The following SLC26A8 variants were observed in gnomAD, a reference collection of about 807,000 sequenced individuals.
SLC26A8 encodes the protein solute carrier family 26 member 8.
A neutral mutation model predicts 105.0 loss-of-function variants in SLC26A8; 70 were observed. That is an observed-to-expected ratio of 0.67 (90% CI 0.55 to 0.81). The LOEUF is 0.81. Among genes scored for constraint, SLC26A8 ranks in the 40% least tolerant of loss-of-function variants. The pLI is 0.00. For missense variants in SLC26A8, 998 were observed against 1,181.8 expected, an observed-to-expected ratio of 0.84 and a Z score of 2.28; for synonymous variants, 415 against 438.3, an observed-to-expected ratio of 0.95 and a Z score of 0.66.
At position 35,968,649 on chromosome 6, in the gene SLC26A8, A is replaced by C. The variant is rs1772648516; in HGVS notation, c.1365+228T>G. On this transcript the variant is annotated intron_variant, in intron 11 of 19. Transcript: ENST00000490799. ...TATATATATATATATATATATATAT[A>C]TATATCTCACATCATTTAACCCTCA... 9.6e-5 allele frequency among the ~76,000 whole-genome samples: 10 copies of C among 104,250 alleles called. No homozygotes were observed. The South Asian group carries it at 2.5e-3, about 26-fold the overall frequency. The allele number at this position is 104,250 out of a possible 152,430, so 68.4% of individuals were successfully genotyped here.
intron 2 of SLC26A8, 131 bp downstream of exon 2, chr6:36,019,389 A>T: frequency 9.9e-7 from 1 of 1,011,054 alleles, no homozygotes; most frequent in Non-Finnish European, 1.4e-6. Flanking sequence ...GACTGAAGAA[A>T]AATTGCACAA....
Position 35,982,158 on chromosome 6 carries a change from C to T in SLC26A8, c.988G>A (p.Glu330Lys), listed in dbSNP as rs1369604879. 2 of 1,613,988 alleles carry T rather than the reference C, an allele frequency of 1.2e-6. No homozygotes were observed. Among genetic ancestry groups the T allele is most frequent in the African/African-American group, 2.7e-5 (2 of 74,900 alleles). Residue 330 changes from glutamate (E) to lysine (K), a missense_variant, in exon 8 of 20, where the codon GAA (glutamate) becomes AAA (lysine). Physicochemically the swap from Glu to Lys is moderately conservative, Grantham distance 56. Coordinates refer to ENST00000490799, the MANE Select transcript of SLC26A8 (RefSeq NM_052961.4). ...ATGTCAATAAGCGTCTGGCTGGTTT[C>T]TGTGGCCATGCTTATCTTGTTTGCA... is the stretch of plus-strand genomic sequence containing the variant. Reference protein sequence around the residue: ...VIANKISMATETSQTLIDMIP... With the variant: ...VIANKISMATKTSQTLIDMIP...
chr6:35,951,151 G>A lies in SLC26A8; in HGVS notation c.2472+12C>T, dbSNP rs535573222. 1.2e-5 allele frequency: 19 copies of A among 1,600,074 alleles called. No homozygotes were observed. Among genetic ancestry groups the A allele is most frequent in the Admixed American group, 5.1e-5 (3 of 58,554 alleles). The stretch of plus-strand genomic sequence containing the variant: ...CCTTCCCCCAACCTCATGCTTTGTC[G>A]GTTTGTCTGACCTTGTCTGTTTCTG... On this transcript the variant is annotated intron_variant, in intron 19 of 19. Coordinates refer to ENST00000490799, the MANE Select transcript of SLC26A8 (RefSeq NM_052961.4).
At chr6:35,964,896 GGCAGAGGTT>G (rs1265453983) in intron 11 of SLC26A8, among the ~76,000 whole-genome samples, 1 of 151,934 alleles carries the variant, frequency 6.6e-6, no homozygotes. Context: ...GAACCTGGGA[GGCAGAGGTT>G]GCAGTGAGCC....
chr6:36,004,809 C>T (rs1300673521), intron 3 of SLC26A8, among the ~76,000 whole-genome samples: 1 of 150,318 alleles, frequency 6.7e-6, no homozygotes, highest in Non-Finnish European at 1.5e-5. Flanking sequence ...TGCACCACCA[C>T]ACCTAGTTAA....
Position 35,997,908 on chromosome 6 carries a change from G to A in SLC26A8, c.457C>T (p.Leu153=), listed in dbSNP as rs1290920339. 1 of 1,613,794 alleles carries A rather than the reference G, an allele frequency of 6.2e-7. No individual in the cohort carries two copies. ...CHQMSIGSFF[L]VSALLINVLK... is the part of the protein sequence containing the mutation. ...ACGTTGATCAGCAGAGCACTCACCAGGAAGAAGGAACCTGTGGAAGAAGAT... is the reference window on the plus strand; with the variant it reads ...ACGTTGATCAGCAGAGCACTCACCAAGAAGAAGGAACCTGTGGAAGAAGAT... The change falls in exon 5 of 20, where the codon CTG becomes TTG. Residue 153 remains leucine, a synonymous_variant. Coordinates refer to ENST00000490799, the MANE Select transcript of SLC26A8 (RefSeq NM_052961.4).
At chr6:35,983,574 G>A (rs1183113974) in intron 7 of SLC26A8, among the ~76,000 whole-genome samples, 1 of 146,152 alleles carries the variant, frequency 6.8e-6, no homozygotes, top group Non-Finnish European at 1.5e-5. Flanking sequence ...TTTTTGAAAT[G>A]AAGTTTTGCT....
At chr6:35,996,778 T>C (rs906821821) in intron 5 of SLC26A8, among the ~76,000 whole-genome samples, 5 of 152,124 alleles carry the variant, frequency 3.3e-5, no homozygotes, top group Non-Finnish European at 4.4e-5. Context: ...CTCACACCTA[T>C]AATCCCAACA....
chr6:35,960,482 C>T lies in SLC26A8; in HGVS notation c.1638+361G>A, dbSNP rs992364144. ...ACCAGCCTGGGCAACATGGTGAGAC[C>T]CTGTCTTTACTAAAATACAAAAAAT... On this transcript the variant is annotated intron_variant, in intron 14 of 19. Coordinates refer to ENST00000490799, the MANE Select transcript of SLC26A8 (RefSeq NM_052961.4). 14 of 215,654 alleles carry T rather than the reference C, an allele frequency of 6.5e-5. 1 individual carries two copies. The East Asian group carries it at 1.7e-3, about 26-fold the overall frequency. The allele number at this position is 215,654 out of a possible 1,614,324, so 13.4% of individuals were successfully genotyped here.
intron 16 of SLC26A8, among the ~76,000 whole-genome samples, chr6:35,957,098 T>G (rs1772102029): frequency 6.6e-6 from 1 of 152,040 alleles, no homozygotes; most frequent in African/African-American, 2.4e-5. Flanking sequence ...GGTAAATGCC[T>G]GTAATCTCAG....
Position 35,968,806 on chromosome 6 carries a change from C to G in SLC26A8, c.1365+71G>C, listed in dbSNP as rs553189932. 2.6e-4 allele frequency: 205 copies of G among 784,412 alleles called. 1 individual carries two copies. Among genetic ancestry groups the G allele is most frequent in the South Asian group, 1.6e-3 (85 of 51,778 alleles). 48.6% of individuals were successfully genotyped at this position (784,412 alleles called of 1,614,324 possible). On this transcript the variant is annotated intron_variant, in intron 11 of 19. Coordinates refer to ENST00000490799, the MANE Select transcript of SLC26A8 (RefSeq NM_052961.4). ...CCCGCCCCCAGCCCCTTACCCCCCG[C>G]ACACACACACCAAGGAGCAATCCAG...
chr6:35,975,534 A>C (rs1363103328), intron 9 of SLC26A8, 46 bp from the exon 10 acceptor site: 9 of 1,215,648 alleles, frequency 7.4e-6, no homozygotes, highest in Non-Finnish European at 1.1e-5. Flanking sequence ...TTTGTTGAAG[A>C]ATGCTGATTT....
chr6:35,959,360 C>CA (rs1772218197), intron 16 of SLC26A8, 100 bp downstream of exon 16: 2 of 1,346,946 alleles, frequency 1.5e-6, no homozygotes, highest in East Asian at 2.6e-5. Context: ...ATCTAAAAGT[C>CA]AAAATCCCTT....
At chr6:35,956,726 C>A (rs961236347) in intron 16 of SLC26A8, among the ~76,000 whole-genome samples, 17 of 152,104 alleles carry the variant, frequency 1.1e-4, no homozygotes, top group African/African-American at 4.1e-4. Context: ...TCGAGACCAG[C>A]CTGACCAACA....
chr6:35,961,052 G>C lies in SLC26A8; in HGVS notation c.1509C>G (p.Asp503Glu), dbSNP rs757605023. The change falls in exon 13 of 20, where the codon GAC becomes GAG. Residue 503 changes from aspartate to glutamate, a missense_variant. By Grantham distance (45) the Asp-to-Glu change is conservative (BLOSUM62 2). Coordinates refer to ENST00000490799, the MANE Select transcript of SLC26A8 (RefSeq NM_052961.4). ...AAACTACTGAGATAATTAGTCCAATGTCCAGTCCCAGGAAAATTGAAGATG... is the reference window on the plus strand; with the variant it reads ...AAACTACTGAGATAATTAGTCCAATCTCCAGTCCCAGGAAAATTGAAGATG... ...TFSSSIFLGL[D>E]IGLIISVVSA... The C allele has an allele frequency of 5.6e-6, 9 of 1,614,016 alleles. No homozygotes were observed. The highest frequency in any genetic ancestry group is 7.6e-6 in the Non-Finnish European group (9 of 1,180,030).
chr6:35,952,741 C>T (rs988634965), intron 17 of SLC26A8, among the ~76,000 whole-genome samples: 1 of 151,866 alleles, frequency 6.6e-6, no homozygotes. Context: ...GTAGGCTGAG[C>T]GCGGTGGCTC....
At chr6:35,967,978 G>T (rs1000939252) in intron 11 of SLC26A8, among the ~76,000 whole-genome samples, 2 of 151,924 alleles carry the variant, frequency 1.3e-5, no homozygotes, top group African/African-American at 4.8e-5. Flanking sequence ...CTCCAGAATG[G>T]CTGGGATTAC....
At chr6:35,968,834 C>T (rs1772665742) in intron 11 of SLC26A8, 43 bp downstream of exon 11, 1 of 1,378,284 alleles carries the variant, frequency 7.3e-7, no homozygotes, top group South Asian at 1.2e-5. Context: ...CAATCCAGAG[C>T]CCTGGTCGTT....
intron 4 of SLC26A8, among the ~76,000 whole-genome samples, chr6:35,999,061 AT>A (rs1301703344): frequency 2.7e-4 from 41 of 151,940 alleles, no homozygotes; most frequent in African/African-American, 8.9e-4. Context: ...CGCCTAACTA[AT>A]TTTTTGTATT....
Sources: allele counts gnomAD v4.1 joint callset (sites outside exome capture counted in the v4.1 genomes callset), GRCh38; gene constraint gnomAD v4.1.1; transcripts MANE v1.5; gene names NCBI Gene and HGNC (gene_info 2026-07-23, HGNC 2026-07-21).